ZNF383: variants seen among roughly 807,000 people sequenced by gnomAD.
ZNF383 encodes the protein zinc finger protein 383.
A neutral mutation model predicts 44.2 loss-of-function variants in ZNF383; 32 were observed. That is an observed-to-expected ratio of 0.72 (90% CI 0.55 to 0.97). ZNF383 has a LOEUF of 0.97. Among genes scored for constraint, ZNF383 ranks in the 50% least tolerant of loss-of-function variants. ZNF383 has a pLI of 0.00. For synonymous variants in ZNF383, 155 were observed against 186.2 expected (o/e 0.83, Z 1.36); for missense variants, 487 against 562.5 (o/e 0.87, Z 1.36).
chr19:37,239,699 T>A (rs1973984251), intron 5 of ZNF383, among the ~76,000 whole-genome samples: 1 of 152,122 alleles, frequency 6.6e-6, no homozygotes, highest in African/African-American at 2.4e-5. Context: ...ATGATACTAT[T>A]CCCTGAATAG....
At chr19:37,242,049 A>ACT in intron 5 of ZNF383, among the ~76,000 whole-genome samples, 1 of 69,144 alleles carries the variant, frequency 1.4e-5, no homozygotes, top group Non-Finnish European at 2.6e-5. Context: ...TAGTATAGAT[A>ACT]CTATATATAC....
chr19:37,222,580 G>C (rs1173250000), intron 1 of ZNF383, among the ~76,000 whole-genome samples: 1 of 152,116 alleles, frequency 6.6e-6, no homozygotes, highest in Admixed American at 6.6e-5. Context: ...GTTTCACCAT[G>C]TTAGCCAGGC....
In ZNF383 at chr19:37,245,137, T is replaced by C. The variant is rs1287676904; in HGVS notation, c.*1473T>C. ...AACCCCGTCTCTACTTAGCTGGGCG[T>C]GGTGGCATGTACCTGTAATCCCAGC... On this transcript the variant is annotated 3_prime_UTR_variant, in exon 6 of 6. Coordinates refer to ENST00000684119, the MANE Select transcript of ZNF383 (RefSeq NM_001387601.1). 1 of 151,936 alleles carries C rather than the reference T, an allele frequency of 6.6e-6. No individual in the cohort carries two copies. Among genetic ancestry groups the C allele is most frequent in the Non-Finnish European group, 1.5e-5 (1 of 68,030 alleles). The allele number at this position is 151,936 out of a possible 1,614,324, so 9.4% of individuals were successfully genotyped here.
chr19:37,222,346 A>G (rs1315750525), intron 1 of ZNF383, among the ~76,000 whole-genome samples: 1 of 152,110 alleles, frequency 6.6e-6, no homozygotes, highest in African/African-American at 2.4e-5. Flanking sequence ...ACACATTATT[A>G]TTGCTGTTTA....
chr19:37,235,607 T>C lies in ZNF383; in HGVS notation c.68T>C (p.Leu23Pro). The C allele has an allele frequency of 2.5e-6, 4 of 1,614,082 alleles. No individual in the cohort carries two copies. Among genetic ancestry groups the C allele is most frequent in the Non-Finnish European group, 3.4e-6 (4 of 1,179,988 alleles). Residue 23 changes from leucine (L) to proline (P), a missense_variant, in exon 4 of 6, where the codon CTG becomes CCG. By Grantham distance (98) the Leu-to-Pro change is moderately conservative (BLOSUM62 -3). Coordinates refer to ENST00000684119, the MANE Select transcript of ZNF383 (RefSeq NM_001387601.1). ...IDFSQEEWDC[L>P]DPVQRDLYRD... ...TTCTCTCAGGAGGAGTGGGACTGCC[T>C]GGACCCTGTTCAGAGGGACTTATAC...
intron 1 of ZNF383, chr19:37,219,897 C>T (rs1293663090): frequency 6.6e-6 from 1 of 152,164 alleles, no homozygotes; most frequent in African/African-American, 2.4e-5. Flanking sequence ...TCTGTTACTT[C>T]TTTCTACAAA....
intron 2 of ZNF383, among the ~76,000 whole-genome samples, chr19:37,229,153 T>G (rs935533750): frequency 6.7e-6 from 1 of 148,306 alleles, no homozygotes; most frequent in African/African-American, 2.5e-5. Flanking sequence ...TTGAATTTTT[T>G]TTTTTTTTTT....
chr19:37,218,788 T>C (rs142523892), intron 1 of ZNF383, among the ~76,000 whole-genome samples: 2 of 152,202 alleles, frequency 1.3e-5, no homozygotes, highest in Non-Finnish European at 2.9e-5. Flanking sequence ...TGTCTGCGGT[T>C]GGAAAGTGCG....
At position 37,229,603 on chromosome 19, in the gene ZNF383, CAT is replaced by C. The variant is rs149087696; in HGVS notation, c.-45-795_-45-794del. Among the ~76,000 whole-genome samples the C allele has an allele frequency of 5.0e-5, 7 of 138,836 alleles. No homozygotes were observed. The East Asian group carries it at 8.1e-4, about 16-fold the overall frequency. 91.1% of individuals were successfully genotyped at this position (138,836 alleles called of 152,430 possible). On this transcript the variant is annotated intron_variant, in intron 2 of 5. Coordinates refer to ENST00000684119, the MANE Select transcript of ZNF383 (RefSeq NM_001387601.1). ...CCTCCCAAGTAGCTGGGATTACAAG[CAT>C]ATATATATATGTGTGTGTGTGTGTG...
At chr19:37,222,935 G>GACAAGAATAGATTTTACA (rs1972994575) in intron 1 of ZNF383, among the ~76,000 whole-genome samples, 2 of 152,078 alleles carry the variant, frequency 1.3e-5, no homozygotes, top group Non-Finnish European at 2.9e-5. Flanking sequence ...TAGACTTTAT[G>GACAAGAATAGATTTTACA]ACAAGAATAG....
At chr19:37,242,420 T>C (rs1974160373) in intron 5 of ZNF383, 49 bp from the exon 6 acceptor site, 1 of 1,319,474 alleles carries the variant, frequency 7.6e-7, no homozygotes, top group Non-Finnish European at 1.0e-6. Flanking sequence ...AAAAGTTTAA[T>C]TTTTCACAAA....
chr19:37,242,334 C>T (rs900044019), intron 5 of ZNF383, 135 bp from the exon 6 acceptor site: 2 of 569,466 alleles, frequency 3.5e-6, no homozygotes, highest in East Asian at 2.9e-5. Context: ...TTTCAGATAA[C>T]ACAGATATCC....
In ZNF383 at chr19:37,246,877, A is replaced by G. The variant is rs1974391485; in HGVS notation, c.*3213A>G. On this transcript the variant is annotated 3_prime_UTR_variant, in exon 6 of 6. Coordinates refer to ENST00000684119, the MANE Select transcript of ZNF383 (RefSeq NM_001387601.1). Reference sequence around the variant, plus strand: ...GCACAGCTGTCAAAAAAGCAGGAAGAGATTATAAAATTTTTTCTAATATTT... The same window carrying G: ...GCACAGCTGTCAAAAAAGCAGGAAGGGATTATAAAATTTTTTCTAATATTT... 6.6e-6 allele frequency: 1 copy of G among 152,158 alleles called. No homozygotes were observed. Among genetic ancestry groups the G allele is most frequent in the Admixed American group, 6.6e-5 (1 of 15,264 alleles). 9.4% of individuals were successfully genotyped at this position (152,158 alleles called of 1,614,324 possible). A position where few individuals can be genotyped will look rare whatever the true frequency, so the allele number is the denominator to read the frequency against.
intron 5 of ZNF383, among the ~76,000 whole-genome samples, chr19:37,241,245 C>T (rs1312529767): frequency 6.6e-6 from 1 of 152,186 alleles, no homozygotes; most frequent in African/African-American, 2.4e-5. Context: ...CTGTCCTCAC[C>T]TCAGATGCCA....
At chr19:37,240,929 C>G (rs1297461222) in intron 5 of ZNF383, among the ~76,000 whole-genome samples, 1 of 152,158 alleles carries the variant, frequency 6.6e-6, no homozygotes, top group East Asian at 1.9e-4. Flanking sequence ...GCCTCAGCCT[C>G]CGGAGTAGCT....
At chr19:37,240,357 A>G (rs547544942) in intron 5 of ZNF383, among the ~76,000 whole-genome samples, 1 of 152,306 alleles carries the variant, frequency 6.6e-6, no homozygotes, top group East Asian at 1.9e-4. Flanking sequence ...CAAAACATGT[A>G]TATACATTTT....
chr19:37,234,124 A>G (rs1311699056), intron 3 of ZNF383, among the ~76,000 whole-genome samples: 1 of 152,166 alleles, frequency 6.6e-6, no homozygotes, highest in African/African-American at 2.4e-5. Flanking sequence ...TCGGCCTCCC[A>G]AAGTGCTGGG....
intron 5 of ZNF383, among the ~76,000 whole-genome samples, chr19:37,242,055 T>TATAGTATATATACTATATATAGTATAG (rs1555784686): frequency 1.5e-5 from 1 of 66,796 alleles, no homozygotes; most frequent in African/African-American, 5.6e-5. Flanking sequence ...AGATACTATA[T>TATAGTATATATACTATATATAGTATAG]ATACTATATA....
rs1051005346 is a variant in ZNF383, at chr19:37,245,411, A to C, written c.*1747A>C. ...TTACATCAATCCTAATCCCAATGCC[A>C]TACTAGAAAGTAACACTGTTATGAA... On this transcript the variant is annotated 3_prime_UTR_variant, in exon 6 of 6. Coordinates refer to ENST00000684119, the MANE Select transcript of ZNF383 (RefSeq NM_001387601.1). 2.6e-5 allele frequency: 4 copies of C among 152,098 alleles called. No homozygotes were observed. The highest frequency in any genetic ancestry group is 7.2e-5 in the African/African-American group (3 of 41,408). The allele number at this position is 152,098 out of a possible 1,614,324, so 9.4% of individuals were successfully genotyped here.
Sources: allele counts gnomAD v4.1 joint callset (sites outside exome capture counted in the v4.1 genomes callset), GRCh38; gene constraint gnomAD v4.1.1; transcripts MANE v1.5; gene names NCBI Gene and HGNC (gene_info 2026-07-23, HGNC 2026-07-21).